The following PRKAR1B variants were observed in gnomAD, a reference collection of about 807,000 sequenced individuals.
PRKAR1B encodes the protein cAMP-dependent protein kinase type I-beta regulatory subunit.
A neutral mutation model predicts 46.5 loss-of-function variants in PRKAR1B; 22 were observed. That is an observed-to-expected ratio of 0.47 (90% confidence interval 0.34 to 0.68). PRKAR1B has a LOEUF of 0.68. PRKAR1B is among the 30% of genes least tolerant of loss of function. The probability of loss-of-function intolerance (pLI) is 0.01; values close to 1 mark genes in which losing one functional copy is unlikely to be tolerated. For synonymous variants in PRKAR1B, 259 were observed against 217.7 expected (o/e 1.19, Z -1.67); for missense variants, 445 against 535.6 (o/e 0.83, Z 1.67).
At chr7:611,080 G>A (rs569871969) in intron 4 of PRKAR1B, among the ~76,000 whole-genome samples, 72 of 152,352 alleles carry the variant, frequency 4.7e-4, no homozygotes, top group African/African-American at 1.7e-3. Context: ...GGTCAGCACT[G>A]CTGTTCCGTC....
chr7:724,060 A>T (rs1485346892), intron 1 of PRKAR1B, among the ~76,000 whole-genome samples: 8 of 152,174 alleles, frequency 5.3e-5, no homozygotes. Context: ...TCACGTCTGC[A>T]AAGACCTTGT....
rs546757244 is a variant in PRKAR1B at position 685,280 on chromosome 7, G to A, written c.178-4554C>T. On this transcript the variant is annotated intron_variant, in intron 2 of 10. Coordinates refer to ENST00000537384, the MANE Select transcript of PRKAR1B (RefSeq NM_001164760.2). ...TATATACATATATACGTATATATAC[G>A]TATATATATGTATACATATATATAT... Among the ~76,000 whole-genome samples the A allele has an allele frequency of 1.2e-3, 21 of 17,228 alleles. 3 individuals carry two copies. The highest frequency in any genetic ancestry group is 4.3e-3 in the African/African-American group (20 of 4,682). 11.3% of individuals were successfully genotyped at this position (17,228 alleles called of 152,430 possible).
chr7:571,228 C>T (rs566626165), intron 9 of PRKAR1B, among the ~76,000 whole-genome samples: 67 of 152,192 alleles, frequency 4.4e-4, no homozygotes, highest in Non-Finnish European at 8.4e-4. Flanking sequence ...CCAGGAGCCT[C>T]GCAGCGCAGG....
chr7:557,938 C>G (rs927764018), intron 9 of PRKAR1B, among the ~76,000 whole-genome samples: 1 of 152,184 alleles, frequency 6.6e-6, no homozygotes, highest in Non-Finnish European at 1.5e-5. Context: ...CGCCGCAGAA[C>G]GTCCTGCCCT....
intron 2 of PRKAR1B, among the ~76,000 whole-genome samples, chr7:692,895 G>T (rs1779513757): frequency 6.6e-6 from 1 of 152,136 alleles, no homozygotes; most frequent in Non-Finnish European, 1.5e-5. Flanking sequence ...CTGCAGGCTG[G>T]AGGGGGCTGA....
At chr7:681,542 G>T (rs187972546) in intron 2 of PRKAR1B, among the ~76,000 whole-genome samples, 2 of 152,286 alleles carry the variant, frequency 1.3e-5, no homozygotes, top group Admixed American at 6.5e-5. Flanking sequence ...AGGCTGAACT[G>T]GTGTGGGGTT....
At chr7:556,601 C>T (rs1215434522) in intron 9 of PRKAR1B, among the ~76,000 whole-genome samples, 3 of 152,208 alleles carry the variant, frequency 2.0e-5, no homozygotes, top group African/African-American at 4.8e-5. Context: ...GCAAAGGGGT[C>T]GGTCCCCGAG....
intron 2 of PRKAR1B, among the ~76,000 whole-genome samples, chr7:697,467 C>T (rs561042655): frequency 1.3e-5 from 2 of 152,270 alleles, no homozygotes; most frequent in Admixed American, 6.5e-5. Flanking sequence ...CAACGGAGGG[C>T]GTCTAGGCTT....
chr7:693,506 T>G (rs1299653868), intron 2 of PRKAR1B, among the ~76,000 whole-genome samples: 4 of 152,124 alleles, frequency 2.6e-5, no homozygotes, highest in Admixed American at 2.0e-4. Flanking sequence ...TGCGCAGCAT[T>G]TGGCCTGTTG....
intron 7 of PRKAR1B, among the ~76,000 whole-genome samples, chr7:586,148 A>C (rs905898139): frequency 2.0e-4 from 30 of 152,176 alleles, no homozygotes; most frequent in African/African-American, 7.0e-4. Context: ...GCCCCATGGA[A>C]CAACACACCC....
In PRKAR1B at chr7:583,418, G is replaced by A. The variant is rs560070255; in HGVS notation, c.769+1090C>T. ...ACCCCCCACACGTGTGCACACCCACGCACACACGCACACACCCACAGTGCA... is the reference window on the plus strand; with the variant it reads ...ACCCCCCACACGTGTGCACACCCACACACACACGCACACACCCACAGTGCA... On this transcript the variant is annotated intron_variant, in intron 8 of 10. Coordinates refer to ENST00000537384, the MANE Select transcript of PRKAR1B (RefSeq NM_001164760.2). 4.7e-3 allele frequency among the ~76,000 whole-genome samples: 248 copies of A among 52,900 alleles called. 2 individuals carry two copies. The highest frequency in any genetic ancestry group is 0.019 in the African/African-American group (228 of 12,158). The allele number at this position is 52,900 out of a possible 152,430, so 34.7% of individuals were successfully genotyped here. A position where few individuals can be genotyped will look rare whatever the true frequency, so the allele number is the denominator to read the frequency against.
At chr7:599,959 C>T (rs942684173) in intron 6 of PRKAR1B, among the ~76,000 whole-genome samples, 1 of 148,448 alleles carries the variant, frequency 6.7e-6, no homozygotes, top group East Asian at 2.0e-4. Context: ...GGGGGAGGCG[C>T]ACGGGCAGGC....
At chr7:662,588 C>G (rs566666118) in intron 4 of PRKAR1B, among the ~76,000 whole-genome samples, 8 of 148,368 alleles carry the variant, frequency 5.4e-5, no homozygotes, top group South Asian at 2.2e-4. Context: ...TACTCTCCCC[C>G]CCATAGCACA....
In PRKAR1B at chr7:714,221, C is replaced by T. The variant is rs753998529; in HGVS notation, c.-22-2694G>A. Among the ~76,000 whole-genome samples the T allele has an allele frequency of 1.4e-4, 21 of 152,168 alleles. No homozygotes were observed. Among genetic ancestry groups the T allele is most frequent in the African/African-American group, 2.9e-4 (12 of 41,436 alleles). On this transcript the variant is annotated intron_variant, in intron 1 of 10. Transcript: ENST00000537384. This position sits in a 1 kb window ranked among gnomAD's most constrained non-coding sequence, Gnocchi z 4.3. ...GCTCCAGGCCTGGCTGCTTCTCTCC[C>T]GGGCTGTCCTGGGGTTCTCTGGAGA...
chr7:633,632 T>C (rs978349928), intron 4 of PRKAR1B, among the ~76,000 whole-genome samples: 1 of 152,038 alleles, frequency 6.6e-6, no homozygotes, highest in Admixed American at 6.6e-5. Flanking sequence ...GGTGTGGTGG[T>C]GCATGCCTGT....
At position 726,862 on chromosome 7, in the gene PRKAR1B, C is replaced by T. The variant is rs887769888; in HGVS notation, c.-23+348G>A. On this transcript the variant is annotated intron_variant, in intron 1 of 10. Transcript: ENST00000537384. ...GGCCGACAGCAAGCCGGGCCGGCGG[C>T]GCGCCTTGGAGGCCCTGCGGCGCGC... 24 of 1,316,186 alleles carry T rather than the reference C, an allele frequency of 1.8e-5. No individual in the cohort carries two copies. The highest frequency in any genetic ancestry group is 2.2e-5 in the Non-Finnish European group (23 of 1,035,926). The allele number at this position is 1,316,186 out of a possible 1,614,324, so 81.5% of individuals were successfully genotyped here. A position where few individuals can be genotyped will look rare whatever the true frequency, so the allele number is the denominator to read the frequency against.
intron 9 of PRKAR1B, among the ~76,000 whole-genome samples, chr7:569,236 ACCCTGAGCGTGAG>A (rs1315710232): frequency 4.6e-5 from 7 of 152,122 alleles, no homozygotes; most frequent in Non-Finnish European, 1.0e-4. Flanking sequence ...CAAAGCAGAA[ACCCTGAGCGTGAG>A]CTGACCAAGG....
At chr7:618,638 A>G (rs996296489) in intron 4 of PRKAR1B, among the ~76,000 whole-genome samples, 1 of 152,056 alleles carries the variant, frequency 6.6e-6, no homozygotes, top group Non-Finnish European at 1.5e-5. Flanking sequence ...TTTTGTTTGC[A>G]TTTCCATTTC....
intron 6 of PRKAR1B, among the ~76,000 whole-genome samples, chr7:599,479 G>C (rs1781468734): frequency 6.6e-6 from 1 of 151,622 alleles, no homozygotes; most frequent in African/African-American, 2.4e-5. Context: ...GTAGAGACGG[G>C]GTTTCTCCAT....
Sources: gnomAD v4.1 joint callset for allele counts (sites outside exome capture counted in the v4.1 genomes callset) on GRCh38, gnomAD v4.1.1 for gene constraint, Gnocchi (gnomAD v3.1) non-coding constraint, MANE v1.5 for transcripts, NCBI Gene and HGNC (gene_info 2026-07-23, HGNC 2026-07-21) for gene names.